The following SRRM2 variants were observed in gnomAD, a reference collection of about 807,000 sequenced individuals.
SRRM2 encodes serine/arginine repetitive matrix protein 2.
In SRRM2, 30 loss-of-function variants were observed where a neutral mutation model predicts 213.8. That is an observed-to-expected ratio of 0.14 (90% CI 0.10 to 0.19). The LOEUF (loss-of-function observed/expected upper bound fraction) is 0.19, where lower values mean the gene tolerates loss of function less well. Among genes scored for constraint, SRRM2 ranks in the 10% least tolerant of loss-of-function variants. The pLI, the probability that SRRM2 is intolerant of heterozygous loss-of-function variation, is 1.00. For missense variants in SRRM2, 4,904 were observed against 3,647.0 expected (o/e 1.34, Z -8.88); for synonymous variants, 2,025 against 1,377.7 (o/e 1.47, Z -10.40).
chr16:2,762,207 G>A lies in SRRM2; in HGVS notation c.1679G>A (p.Gly560Glu), dbSNP rs939954907. The A allele has an allele frequency of 6.2e-7, 1 of 1,614,124 alleles. No individual in the cohort carries two copies. The highest frequency in any genetic ancestry group is 1.3e-5 in the African/African-American group (1 of 75,030). Reference sequence around the variant, plus strand: ...GGCAGGTCTAGGTCAGCAAGGCGAGGGAGGTCCCACTCTAGATCCCCAGCC... The same window carrying A: ...GGCAGGTCTAGGTCAGCAAGGCGAGAGAGGTCCCACTCTAGATCCCCAGCC... ...RRGRSRSARR[G>E]RSHSRSPATR... The change falls in exon 11 of 15, where the codon GGG becomes GAG. Residue 560 changes from glycine (G) to glutamate (E), a missense_variant. Physicochemically the swap from Gly to Glu is moderately conservative, Grantham distance 98. Transcript: ENST00000301740.
Position 2,766,691 on chromosome 16 carries a change from A to C in SRRM2, c.6163A>C (p.Arg2055=), listed in dbSNP as rs1443130589. Residue 2055 remains arginine (R), a synonymous_variant, in exon 11 of 15, where the codon AGA becomes CGA. Transcript: ENST00000301740. The surrounding 1 kb of genome is among the most constrained non-coding windows in gnomAD (Gnocchi z 7.0). ...ACCACTTGCTATCCGCCGCCGCTCC[A>C]GATCCCGTACTCCACGAACAGCTCG... The part of the protein sequence containing the change: ...RSPLAIRRRS[R]SRTPRTARGK... 8 of 1,614,096 alleles carry C rather than the reference A, an allele frequency of 5.0e-6. No homozygotes were observed. Among genetic ancestry groups the C allele is most frequent in the Non-Finnish European group, 6.8e-6 (8 of 1,180,044 alleles).
rs144667736 is a variant in SRRM2 at position 2,765,309 on chromosome 16, G to C, written c.4781G>C (p.Arg1594Pro). 7 of 1,614,088 alleles carry C rather than the reference G, an allele frequency of 4.3e-6. No homozygotes were observed. The highest frequency in any genetic ancestry group is 5.9e-6 in the Non-Finnish European group (7 of 1,180,034). Residue 1594 changes from arginine to proline, a missense_variant, in exon 11 of 15, where the codon CGG (arginine) becomes CCG (proline). Coordinates refer to ENST00000301740, the MANE Select transcript of SRRM2 (RefSeq NM_016333.4). ...GACAGCAAATCTCGACTATCCCCTC[G>C]GCGCAGTAGGTCTGGTTCCTCCCCT... ...EVDSKSRLSP[R>P]RSRSGSSPEV...
Position 2,765,267 on chromosome 16 carries a change from G to C in SRRM2, c.4739G>C (p.Gly1580Ala). The change falls in exon 11 of 15, where the codon GGA (glycine) becomes GCA (alanine). Residue 1580 changes from glycine to alanine, a missense_variant. Coordinates refer to ENST00000301740, the MANE Select transcript of SRRM2 (RefSeq NM_016333.4). The stretch of plus-strand genomic sequence containing the variant: ...CCACTTCGGCAGAGGAGTCGGTCTG[G>C]ATCATCTCCAGAGGTTGACAGCAAA... ...RTPLRQRSRS[G>A]SSPEVDSKSR... is the part of the protein sequence containing the mutation. 5 of 1,614,034 alleles carry C rather than the reference G, an allele frequency of 3.1e-6. No homozygotes were observed. The highest frequency in any genetic ancestry group is 4.2e-6 in the Non-Finnish European group (5 of 1,179,908).
rs142291519 is a variant in SRRM2, at chr16:2,764,801, C to G, written c.4273C>G (p.Pro1425Ala). The G allele has an allele frequency of 4.3e-6, 7 of 1,613,950 alleles. No individual in the cohort carries two copies. The African/African-American group carries it at 6.7e-5, about 15-fold the overall frequency. Residue 1425 changes from proline to alanine, a missense_variant, in exon 11 of 15, where the codon CCT (proline) becomes GCT (alanine). Coordinates refer to ENST00000301740, the MANE Select transcript of SRRM2 (RefSeq NM_016333.4). ...SRERSSSASS[P>A]EMKDGLPRTP... ...AGAAAGAAGTAGTTCTGCATCTTCT[C>G]CTGAAATGAAAGATGGTTTACCCAG...
intron 1 of SRRM2, among the ~76,000 whole-genome samples, chr16:2,754,373 A>G (rs906322120): frequency 2.6e-5 from 4 of 151,824 alleles, no homozygotes; most frequent in African/African-American, 7.3e-5. Context: ...GCTCACTGCA[A>G]CCTTCCGCCT....
chr16:2,765,089 T>A lies in SRRM2; in HGVS notation c.4561T>A (p.Ser1521Thr), dbSNP rs766407757. Reference sequence around the variant, plus strand: ...CCAGAGAGAAAGAAGCGGGTCAGAATCATCAGTTGATCAGAAAACTGTGGC... The same window carrying A: ...CCAGAGAGAAAGAAGCGGGTCAGAAACATCAGTTGATCAGAAAACTGTGGC... ...TPQRERSGSE[S>T]SVDQKTVART... The change falls in exon 11 of 15, where the codon TCA becomes ACA. Residue 1521 changes from serine (S) to threonine (T), a missense_variant. By Grantham distance (58) the Ser-to-Thr change is moderately conservative. Transcript: ENST00000301740. The A allele has an allele frequency of 6.2e-7, 1 of 1,614,108 alleles. No homozygotes were observed. Among genetic ancestry groups the A allele is most frequent in the Non-Finnish European group, 8.5e-7 (1 of 1,180,020 alleles).
intron 12 of SRRM2, chr16:2,769,634 C>T (rs1051614890): frequency 5.2e-6 from 3 of 574,374 alleles, no homozygotes; most frequent in Non-Finnish European, 9.9e-6. Flanking sequence ...ACAGCCTCCT[C>T]CCTGTCTCCC....
At position 2,765,203 on chromosome 16, in the gene SRRM2, T is replaced by C. The variant is rs1458844729; in HGVS notation, c.4675T>C (p.Ser1559Pro). 1 of 1,613,902 alleles carries C rather than the reference T, an allele frequency of 6.2e-7. No homozygotes were observed. The highest frequency in any genetic ancestry group is 1.3e-5 in the African/African-American group (1 of 74,848). ...PSASPQERSE[S>P]DSSPDSKAKT... is the part of the protein sequence containing the mutation. Reference sequence around the variant, plus strand: ...TGCATCCCCTCAGGAAAGAAGTGAGTCAGACTCTTCTCCAGATTCTAAAGC... The same window carrying C: ...TGCATCCCCTCAGGAAAGAAGTGAGCCAGACTCTTCTCCAGATTCTAAAGC... The change falls in exon 11 of 15, where the codon TCA (serine) becomes CCA (proline). Residue 1559 changes from serine (S) to proline (P), a missense_variant. Physicochemically the swap from Ser to Pro is moderately conservative, Grantham distance 74. Transcript: ENST00000301740.
At position 2,763,058 on chromosome 16, in the gene SRRM2, G is replaced by A; in HGVS notation, c.2530G>A (p.Val844Met). 1 of 1,614,024 alleles carries A rather than the reference G, an allele frequency of 6.2e-7. No homozygotes were observed. Among genetic ancestry groups the A allele is most frequent in the Non-Finnish European group, 8.5e-7 (1 of 1,180,002 alleles). The change falls in exon 11 of 15, where the codon GTG (valine) becomes ATG (methionine). Residue 844 changes from valine (V) to methionine (M), a missense_variant. Val to Met is a conservative substitution (Grantham distance 21). Transcript: ENST00000301740. ...SHSSSSPHPK[V>M]KSGTPPRQGS... ...TTCCAGTTCATCTCCTCATCCTAAA[G>A]TGAAATCTGGAACACCACCGAGGCA...
At position 2,758,884 on chromosome 16, in the gene SRRM2, A is replaced by T; in HGVS notation, c.594-101A>T. 6.2e-6 allele frequency: 8 copies of T among 1,290,646 alleles called. No individual in the cohort carries two copies. The South Asian group carries it at 9.0e-5, about 15-fold the overall frequency. The allele number at this position is 1,290,646 out of a possible 1,614,324, so 79.9% of individuals were successfully genotyped here. On this transcript the variant is annotated intron_variant, in intron 5 of 14. Transcript: ENST00000301740. ...GGTCTGGGGCATTAGTGCTATTAGG[A>T]CATTCAAGTGTTTTAGAAACCTTTT...
rs1482085813 is a variant in SRRM2 at position 2,762,334 on chromosome 16, T to C, written c.1806T>C (p.Arg602=). ...RRSRSRTPTR[R]RSRSRTPARR... ...CACGATCCAGAACTCCCACCAGGCG[T>C]AGGTCTCGGTCTAGAACACCAGCCC... Residue 602 remains arginine, a synonymous_variant, in exon 11 of 15, where the codon CGT becomes CGC. Coordinates refer to ENST00000301740, the MANE Select transcript of SRRM2 (RefSeq NM_016333.4). The C allele has an allele frequency of 6.2e-7, 1 of 1,613,736 alleles. No homozygotes were observed. Among genetic ancestry groups the C allele is most frequent in the African/African-American group, 1.3e-5 (1 of 74,824 alleles).
Position 2,761,669 on chromosome 16 carries a change from C to G in SRRM2, c.1141C>G (p.Leu381Val). Residue 381 changes from leucine to valine, a missense_variant, in exon 11 of 15, where the codon CTT becomes GTT. Leu to Val is a conservative substitution (Grantham distance 32). Coordinates refer to ENST00000301740, the MANE Select transcript of SRRM2 (RefSeq NM_016333.4). ...GCGACATGGCGGCTCCCCACAACCCCTTGCAACCACCCCCTTAAGCCAGGA... is the reference window on the plus strand; with the variant it reads ...GCGACATGGCGGCTCCCCACAACCCGTTGCAACCACCCCCTTAAGCCAGGA... ...AERHGGSPQP[L>V]ATTPLSQEPV... The G allele has an allele frequency of 2.5e-6, 4 of 1,596,208 alleles. No individual in the cohort carries two copies. The highest frequency in any genetic ancestry group is 3.4e-6 in the Non-Finnish European group (4 of 1,171,512).
intron 12 of SRRM2, chr16:2,770,116 C>G (rs930587576): frequency 2.1e-6 from 3 of 1,410,968 alleles, no homozygotes; most frequent in Non-Finnish European, 2.8e-6. Context: ...CCACTGAGCT[C>G]CTTCAAGGGC....
At position 2,767,170 on chromosome 16, in the gene SRRM2, G is replaced by T. The variant is rs372729956; in HGVS notation, c.6642G>T (p.Pro2214=). 6.2e-7 allele frequency: 1 copy of T among 1,614,118 alleles called. No individual in the cohort carries two copies. The highest frequency in any genetic ancestry group is 2.2e-5 in the East Asian group (1 of 44,864). ...LAARMSQVPA[P]VPLMSLRTAP... ...CAAGAATGTCCCAGGTTCCAGCCCC[G>T]GTGCCTCTCATGAGTCTCAGAACCG... is the stretch of plus-strand genomic sequence containing the variant. The change falls in exon 11 of 15, where the codon CCG becomes CCT. Residue 2214 remains proline (P), a synonymous_variant. Transcript: ENST00000301740.
rs1312955251 is a variant in SRRM2 at position 2,763,025 on chromosome 16, C to G, written c.2497C>G (p.Gln833Glu). ...ACAGAAATCTAAGACACCATCAAGA[C>G]AAAGTCATTCCAGTTCATCTCCTCA... is the stretch of plus-strand genomic sequence containing the variant. The part of the protein sequence containing the change: ...PKQKSKTPSR[Q>E]SHSSSSPHPK... Residue 833 changes from glutamine (Q) to glutamate (E), a missense_variant, in exon 11 of 15, where the codon CAA (glutamine) becomes GAA (glutamate). Transcript: ENST00000301740. 1.2e-6 allele frequency: 2 copies of G among 1,614,152 alleles called. No homozygotes were observed. Among genetic ancestry groups the G allele is most frequent in the Non-Finnish European group, 8.5e-7 (1 of 1,180,018 alleles).
intron 2 of SRRM2, among the ~76,000 whole-genome samples, chr16:2,757,244 T>C (rs1215020193): frequency 6.6e-6 from 1 of 152,004 alleles, no homozygotes; most frequent in Non-Finnish European, 1.5e-5. Flanking sequence ...CTTTTTTCTT[T>C]TGGTCCCTGA....
intron 10 of SRRM2, 51 bp downstream of exon 10, chr16:2,760,550 G>C (rs766140951): frequency 1.9e-6 from 3 of 1,595,046 alleles, no homozygotes; most frequent in Admixed American, 3.4e-5. Context: ...TATAGATTTA[G>C]GATAGACATG....
Position 2,768,244 on chromosome 16 carries a change from T to A in SRRM2, c.7716T>A (p.Pro2572=). The A allele has an allele frequency of 6.4e-7, 1 of 1,559,148 alleles. No homozygotes were observed. Among genetic ancestry groups the A allele is most frequent in the Non-Finnish European group, 8.7e-7 (1 of 1,153,974 alleles). Residue 2572 remains proline (P), a synonymous_variant, in exon 11 of 15, where the codon CCT becomes CCA. Coordinates refer to ENST00000301740, the MANE Select transcript of SRRM2 (RefSeq NM_016333.4). ...DSEGSSLPVQ[P]EVALKRVPSP... ...AGGGCTCTAGCCTTCCTGTGCAACC[T>A]GAGGTGGCACTGAAGAGGTGAGGGA...
chr16:2,757,154 C>G (rs1457886547), intron 2 of SRRM2, among the ~76,000 whole-genome samples: 1 of 152,078 alleles, frequency 6.6e-6, no homozygotes, highest in Non-Finnish European at 1.5e-5. Context: ...ATACAGTATC[C>G]CTTACTTTGG....
Sources: allele counts gnomAD v4.1 joint callset (sites outside exome capture counted in the v4.1 genomes callset), GRCh38; gene constraint gnomAD v4.1.1; non-coding constraint Gnocchi (gnomAD v3.1); transcripts MANE v1.5; gene names NCBI Gene and HGNC (gene_info 2026-07-23, HGNC 2026-07-21).